The following PITPNC1 variants were observed in gnomAD, a reference collection of about 807,000 sequenced individuals.
PITPNC1 encodes phosphatidylinositol transfer protein cytoplasmic 1.
A neutral mutation model predicts 44.7 loss-of-function variants in PITPNC1; 18 were observed. The ratio of observed to expected loss-of-function variants is 0.40; its 90% CI spans 0.28 to 0.60. PITPNC1 has a LOEUF of 0.60. Ranked by LOEUF, PITPNC1 falls within the 20% of genes least tolerant of loss-of-function variation. The pLI is 0.39. For synonymous variants in PITPNC1, 141 were observed against 149.6 expected, an observed-to-expected ratio of 0.94 and a Z score of 0.42; for missense variants, 290 against 418.4, an observed-to-expected ratio of 0.69 and a Z score of 2.68.
At chr17:67,497,684 C>T (rs1045641611) in intron 1 of PITPNC1, among the ~76,000 whole-genome samples, 3 of 151,242 alleles carry the variant, frequency 2.0e-5, no homozygotes, top group Non-Finnish European at 2.9e-5. Flanking sequence ...TGAGCCACCA[C>T]GCCCAGCTAA....
At chr17:67,590,827 C>A (rs2041379726) in intron 5 of PITPNC1, among the ~76,000 whole-genome samples, 2 of 151,932 alleles carry the variant, frequency 1.3e-5, no homozygotes, top group African/African-American at 4.8e-5. Flanking sequence ...GTGGTGGGCA[C>A]CTGTAATCCC....
At chr17:67,441,277 GC>G (rs34717379) in intron 1 of PITPNC1, among the ~76,000 whole-genome samples, 12 of 147,008 alleles carry the variant, frequency 8.2e-5, no homozygotes, top group African/African-American at 2.8e-4. Context: ...TATTTATTAA[GC>G]CCCCCCCCGC....
At chr17:67,555,672 C>CAAAA (rs67935513) in intron 4 of PITPNC1, among the ~76,000 whole-genome samples, 2 of 78,130 alleles carry the variant, frequency 2.6e-5, no homozygotes, top group African/African-American at 7.8e-5. Context: ...ACTAAAAATA[C>CAAAA]AAAAAAAAAA....
intron 1 of PITPNC1, among the ~76,000 whole-genome samples, chr17:67,462,210 TCTCTTTCTTTC>T (rs2039348390): frequency 7.0e-6 from 1 of 142,026 alleles, no homozygotes; most frequent in Non-Finnish European, 1.5e-5. Context: ...CTTTTCTTTT[TCTCTTTCTTTC>T]TTTCTTTTTT....
At position 67,509,332 on chromosome 17, in the gene PITPNC1, G is replaced by T. The variant is rs145672312; in HGVS notation, c.49-23470G>T. ...GCGGATCACGAGGTCAGGAGTTCAAGACTAGCCTGGCCAATATGGTGAAAC... is the reference window on the plus strand; with the variant it reads ...GCGGATCACGAGGTCAGGAGTTCAATACTAGCCTGGCCAATATGGTGAAAC... On this transcript the variant is annotated intron_variant, in intron 1 of 8. Coordinates refer to ENST00000581322, the MANE Select transcript of PITPNC1 (RefSeq NM_012417.4). Among the ~76,000 whole-genome samples, 772 of 151,774 alleles carry T rather than the reference G, an allele frequency of 5.1e-3. 6 individuals carry two copies. Among genetic ancestry groups the T allele is most frequent in the African/African-American group, 0.017 (721 of 41,318 alleles).
chr17:67,599,034 ATTTTTTTT>A (rs1160152426), intron 5 of PITPNC1, among the ~76,000 whole-genome samples: 6 of 35,676 alleles, frequency 1.7e-4, no homozygotes, highest in Non-Finnish European at 2.5e-4. Flanking sequence ...ATATATATAT[ATTTTTTTT>A]TTTTTTTTTT....
At chr17:67,443,397 T>G (rs951072630) in intron 1 of PITPNC1, among the ~76,000 whole-genome samples, 2 of 151,992 alleles carry the variant, frequency 1.3e-5, no homozygotes, top group African/African-American at 4.8e-5. Context: ...CATAGGAAAT[T>G]GTTCGTTTCC....
chr17:67,586,706 A>G (rs2041322930), intron 5 of PITPNC1, among the ~76,000 whole-genome samples: 1 of 152,170 alleles, frequency 6.6e-6, no homozygotes, highest in South Asian at 2.1e-4. Context: ...AAAACTACAG[A>G]CTTCATTCAG....
At chr17:67,431,111 TGCAGTG>T (rs1230357978) in intron 1 of PITPNC1, among the ~76,000 whole-genome samples, 1 of 146,960 alleles carries the variant, frequency 6.8e-6, no homozygotes, top group Admixed American at 7.0e-5. Flanking sequence ...CAGGCCGGAG[TGCAGTG>T]GCGTGATCTT....
At chr17:67,492,989 G>A (rs532487971) in intron 1 of PITPNC1, among the ~76,000 whole-genome samples, 11 of 152,248 alleles carry the variant, frequency 7.2e-5, no homozygotes, top group Admixed American at 4.6e-4. Context: ...ATACGTGGGC[G>A]CTTTTGTGAG....
intron 1 of PITPNC1, among the ~76,000 whole-genome samples, chr17:67,433,472 C>T (rs1287681569): frequency 6.6e-6 from 1 of 152,116 alleles, no homozygotes; most frequent in African/African-American, 2.4e-5. Flanking sequence ...GAGCCGGGTG[C>T]AGTAACTCGA....
Position 67,676,722 on chromosome 17 carries a change from C to T in PITPNC1, c.682+1180C>T, listed in dbSNP as rs757010568. On this transcript the variant is annotated intron_variant, in intron 8 of 8. Transcript: ENST00000581322. This position sits in a 1 kb window ranked among gnomAD's most constrained non-coding sequence, Gnocchi z 4.0. Reference sequence around the variant, plus strand: ...CAGAAGGTACCAAAGTAAAAGGACACGTTAGACGGAAGGGGCAAAGACAGT... The same window carrying T: ...CAGAAGGTACCAAAGTAAAAGGACATGTTAGACGGAAGGGGCAAAGACAGT... 6.6e-6 allele frequency among the ~76,000 whole-genome samples: 1 copy of T among 151,986 alleles called. No individual in the cohort carries two copies. Among genetic ancestry groups the T allele is most frequent in the Non-Finnish European group, 1.5e-5 (1 of 68,016 alleles).
chr17:67,690,334 G>C (rs2042897188), intron 8 of PITPNC1, among the ~76,000 whole-genome samples: 1 of 151,702 alleles, frequency 6.6e-6, no homozygotes, highest in African/African-American at 2.4e-5. Context: ...TGTAATCCCA[G>C]CTACTCGGGA....
At chr17:67,389,136 T>TAA (rs982000461) in intron 1 of PITPNC1, among the ~76,000 whole-genome samples, 2 of 152,230 alleles carry the variant, frequency 1.3e-5, no homozygotes, top group Non-Finnish European at 2.9e-5. Context: ...TGCAGTTCCT[T>TAA]ACTGCATCCA....
chr17:67,564,344 G>A (rs35950926), intron 4 of PITPNC1, among the ~76,000 whole-genome samples: 94,751 of 151,928 alleles, frequency 0.62, 31,034 homozygotes, highest in East Asian at 0.79. Flanking sequence ...CAGGGGAGCC[G>A]CGAGTGTAGG....
intron 6 of PITPNC1, among the ~76,000 whole-genome samples, chr17:67,650,512 G>A (rs1723566837): frequency 7.0e-6 from 1 of 142,310 alleles, no homozygotes; most frequent in Non-Finnish European, 1.5e-5. Flanking sequence ...GCAGTGGTGC[G>A]ATCTCAGCTC....
intron 5 of PITPNC1, among the ~76,000 whole-genome samples, chr17:67,609,315 AGTCTCACTCTTGTTGCCCAG>A (rs1833873113): frequency 7.7e-6 from 1 of 130,086 alleles, no homozygotes; most frequent in Admixed American, 8.3e-5. Flanking sequence ...TTTGAGACAG[AGTCTCACTCTTGTTGCCCAG>A]GCCGGGTGCA....
chr17:67,421,726 G>T (rs2038675492), intron 1 of PITPNC1, among the ~76,000 whole-genome samples: 1 of 152,162 alleles, frequency 6.6e-6, no homozygotes, highest in African/African-American at 2.4e-5. Context: ...CCTCATTCTT[G>T]TGTGGTCATA....
intron 1 of PITPNC1, among the ~76,000 whole-genome samples, chr17:67,463,929 C>T (rs1442146736): frequency 6.6e-6 from 1 of 151,896 alleles, no homozygotes; most frequent in Non-Finnish European, 1.5e-5. Context: ...TGTGGTGGCT[C>T]ATGCCTGTAA....
Sources: allele counts gnomAD v4.1 joint callset (sites outside exome capture counted in the v4.1 genomes callset), GRCh38; gene constraint gnomAD v4.1.1; non-coding constraint Gnocchi (gnomAD v3.1); transcripts MANE v1.5; gene names NCBI Gene and HGNC (gene_info 2026-07-23, HGNC 2026-07-21).